CDH12: variants seen among roughly 807,000 people sequenced by gnomAD.
CDH12 encodes the protein cadherin-12.
In CDH12, 41 loss-of-function variants were observed where a neutral mutation model predicts 74.1. The ratio of observed to expected loss-of-function variants is 0.55; its 90% CI spans 0.43 to 0.72. The LOEUF (loss-of-function observed/expected upper bound fraction) is 0.72. CDH12 is among the 30% of genes least tolerant of loss of function. The pLI is 0.00. For missense variants in CDH12, 945 were observed against 977.2 expected (o/e 0.97, Z 0.44); for synonymous variants, 399 against 355.0 (o/e 1.12, Z -1.39).
chr5:22,086,435 C>T (rs1281212856), intron 4 of CDH12, among the ~76,000 whole-genome samples: 2 of 152,048 alleles, frequency 1.3e-5, no homozygotes, highest in African/African-American at 4.8e-5. Flanking sequence ...GCCTCCGCCT[C>T]CCGGGTTTAA....
chr5:22,188,751 C>T (rs1185147793), intron 4 of CDH12, among the ~76,000 whole-genome samples: 2 of 152,138 alleles, frequency 1.3e-5, no homozygotes, highest in Admixed American at 1.3e-4. Context: ...CTCTCAGAAG[C>T]AAGATTGGCA....
At chr5:22,599,076 C>G (rs1445297089) in intron 1 of CDH12, among the ~76,000 whole-genome samples, 2 of 152,120 alleles carry the variant, frequency 1.3e-5, no homozygotes, top group Non-Finnish European at 2.9e-5. Flanking sequence ...TGTTTGATGC[C>G]TTTCTCATGA....
At chr5:22,078,374 A>T in intron 5 of CDH12, 72 bp downstream of exon 5, 1 of 1,346,176 alleles carries the variant, frequency 7.4e-7, no homozygotes, top group Non-Finnish European at 1.1e-6. Context: ...CCTGTGCAAA[A>T]CATCCATACA....
chr5:22,161,953 C>T (rs1748378452), intron 4 of CDH12, among the ~76,000 whole-genome samples: 3 of 151,514 alleles, frequency 2.0e-5, no homozygotes, highest in South Asian at 4.2e-4. Flanking sequence ...CTGGTCTTGT[C>T]GAAGTCACTA....
intron 6 of CDH12, among the ~76,000 whole-genome samples, chr5:21,881,795 G>T (rs2150033638): frequency 6.6e-6 from 1 of 152,224 alleles, no homozygotes; most frequent in South Asian, 2.1e-4. Flanking sequence ...ATTTTCCACA[G>T]TAGCTACACT....
At chr5:22,773,986 A>G (rs1746955688) in intron 1 of CDH12, among the ~76,000 whole-genome samples, 1 of 152,144 alleles carries the variant, frequency 6.6e-6, no homozygotes, top group African/African-American at 2.4e-5. Context: ...TCAAAAAACA[A>G]CATATACTGG....
intron 3 of CDH12, among the ~76,000 whole-genome samples, chr5:22,252,641 G>A (rs1444171860): frequency 6.6e-6 from 1 of 151,926 alleles, no homozygotes; most frequent in African/African-American, 2.4e-5. Context: ...TTGCACCAAA[G>A]TGCACCAGAA....
chr5:22,762,290 G>C (rs1378055684), intron 1 of CDH12, among the ~76,000 whole-genome samples: 1 of 151,766 alleles, frequency 6.6e-6, no homozygotes, highest in South Asian at 2.1e-4. Flanking sequence ...ATAATTATAG[G>C]AGTAATCTCT....
chr5:22,816,333 G>T (rs988168349), intron 1 of CDH12, among the ~76,000 whole-genome samples: 1 of 152,058 alleles, frequency 6.6e-6, no homozygotes, highest in South Asian at 2.1e-4. Context: ...TCAAACCAAG[G>T]GCTAGTCCGT....
At chr5:22,703,769 G>T (rs1373728761) in intron 1 of CDH12, among the ~76,000 whole-genome samples, 3 of 152,098 alleles carry the variant, frequency 2.0e-5, no homozygotes, top group Non-Finnish European at 4.4e-5. Context: ...CCATAGAAAA[G>T]ACAATAAAAC....
At chr5:22,524,714 T>C (rs1052208290) in intron 1 of CDH12, among the ~76,000 whole-genome samples, 1 of 152,166 alleles carries the variant, frequency 6.6e-6, no homozygotes, top group Non-Finnish European at 1.5e-5. Context: ...TCAGAGTGGG[T>C]TGTGACAGTA....
At chr5:22,774,166 T>G (rs1369666227) in intron 1 of CDH12, among the ~76,000 whole-genome samples, 1 of 152,092 alleles carries the variant, frequency 6.6e-6, no homozygotes, top group African/African-American at 2.4e-5. Context: ...TGTTATATAT[T>G]CATGCACATG....
chr5:22,641,013 A>C (rs192871871), intron 1 of CDH12, among the ~76,000 whole-genome samples: 131 of 152,164 alleles, frequency 8.6e-4, no homozygotes, highest in Admixed American at 4.1e-3. Context: ...CTTCACCCTC[A>C]CCTGCTATAT....
chr5:22,233,101 T>C (rs995451424), intron 3 of CDH12, among the ~76,000 whole-genome samples: 24 of 151,474 alleles, frequency 1.6e-4, no homozygotes, highest in Admixed American at 1.2e-3. Context: ...CTTTTAATGA[T>C]TTTAAAGGTT....
chr5:22,255,301 A>G (rs573705564), intron 3 of CDH12, among the ~76,000 whole-genome samples: 1 of 151,790 alleles, frequency 6.6e-6, no homozygotes, highest in East Asian at 1.9e-4. Flanking sequence ...TCTATTTTTC[A>G]CCATAAGGCT....
rs529914961 is a variant in CDH12, at chr5:22,646,343, G to A, written c.-522-140979C>T. 2.0e-5 allele frequency among the ~76,000 whole-genome samples: 3 copies of A among 151,820 alleles called. No individual in the cohort carries two copies. The East Asian group carries it at 5.8e-4, about 29-fold the overall frequency. On this transcript the variant is annotated intron_variant, in intron 1 of 14. Coordinates refer to ENST00000382254, the MANE Select transcript of CDH12 (RefSeq NM_004061.5). ...TCAATCATGCTGTCATTTCTTATAA[G>A]TGCCCTAAAAATTAAATGGTGGATC...
chr5:22,490,330 C>G (rs1395302622), intron 2 of CDH12, among the ~76,000 whole-genome samples: 1 of 152,116 alleles, frequency 6.6e-6, no homozygotes, highest in Non-Finnish European at 1.5e-5. Flanking sequence ...TTCACTCCTT[C>G]TATACTGATT....
chr5:22,558,894 C>G (rs1738920470), intron 1 of CDH12, among the ~76,000 whole-genome samples: 1 of 151,860 alleles, frequency 6.6e-6, no homozygotes, highest in Non-Finnish European at 1.5e-5. Context: ...AGGAAATTAA[C>G]AGAGAAGGTG....
intron 1 of CDH12, among the ~76,000 whole-genome samples, chr5:22,727,390 A>G (rs1744214708): frequency 1.3e-5 from 2 of 151,794 alleles, no homozygotes; most frequent in African/African-American, 4.8e-5. Flanking sequence ...ACTTTTAAAA[A>G]GTACAATTTA....
Sources: gnomAD v4.1 joint callset for allele counts (sites outside exome capture counted in the v4.1 genomes callset) on GRCh38, gnomAD v4.1.1 for gene constraint, MANE v1.5 for transcripts, NCBI Gene and HGNC (gene_info 2026-07-23, HGNC 2026-07-21) for gene names.